The following DPP10 variants were observed in gnomAD, a reference collection of about 807,000 sequenced individuals.
DPP10 encodes the protein dipeptidyl peptidase like 10.
DPP10 carries 33 observed loss-of-function variants against 120.9 expected under a neutral mutation model. The ratio of observed to expected loss-of-function variants is 0.27; its 90% CI spans 0.21 to 0.37. The LOEUF (loss-of-function observed/expected upper bound fraction) is 0.37. Among genes scored for constraint, DPP10 ranks in the 10% least tolerant of loss-of-function variants. The pLI is 1.00. For missense variants in DPP10, 816 were observed against 942.8 expected, an observed-to-expected ratio of 0.87 and a Z score of 1.76; for synonymous variants, 337 against 326.1, an observed-to-expected ratio of 1.03 and a Z score of -0.36.
chr2:115,452,785 A>G (rs868683568), intron 3 of DPP10, among the ~76,000 whole-genome samples: 21 of 151,856 alleles, frequency 1.4e-4, no homozygotes, highest in African/African-American at 5.1e-4. Flanking sequence ...AATTCAGGCA[A>G]TGTTCTTTAA....
chr2:114,937,002 C>T (rs1324668892), intron 1 of DPP10, among the ~76,000 whole-genome samples: 2 of 152,086 alleles, frequency 1.3e-5, no homozygotes, highest in South Asian at 2.1e-4. Flanking sequence ...AGTCCTTTGT[C>T]GGATGTATAG....
intron 1 of DPP10, among the ~76,000 whole-genome samples, chr2:115,008,653 G>A (rs1702035963): frequency 8.7e-6 from 1 of 114,624 alleles, no homozygotes. Flanking sequence ...CCTACAGAAT[G>A]GGAGAAAATT....
intron 3 of DPP10, among the ~76,000 whole-genome samples, chr2:115,418,184 A>T (rs1003995176): frequency 2.6e-5 from 4 of 152,180 alleles, no homozygotes; most frequent in African/African-American, 9.6e-5. Flanking sequence ...GGATTCAAGG[A>T]TGACTCATTT....
intron 3 of DPP10, among the ~76,000 whole-genome samples, chr2:115,471,944 T>C (rs1174384767): frequency 6.6e-6 from 1 of 152,074 alleles, no homozygotes; most frequent in Non-Finnish European, 1.5e-5. Flanking sequence ...CAAGTTTTGG[T>C]GACATTACTT....
At chr2:115,026,279 A>G (rs1703453478) in intron 1 of DPP10, among the ~76,000 whole-genome samples, 1 of 151,968 alleles carries the variant, frequency 6.6e-6, no homozygotes, top group African/African-American at 2.4e-5. Context: ...TTTTTTGAAG[A>G]GACTGTCTTT....
At chr2:115,512,868 T>C (rs1334056062) in intron 4 of DPP10, among the ~76,000 whole-genome samples, 1 of 152,110 alleles carries the variant, frequency 6.6e-6, no homozygotes. Context: ...GTGTATTTTC[T>C]GCTAGCATTT....
At chr2:114,849,959 T>A in intron 1 of DPP10, among the ~76,000 whole-genome samples, 1 of 151,976 alleles carries the variant, frequency 6.6e-6, no homozygotes. Flanking sequence ...TTTCCTTTCC[T>A]TTGTTTCTTC....
Position 115,383,278 on chromosome 2 carries a change from A to G in DPP10, c.271+39366A>G, listed in dbSNP as rs140628005. Among the ~76,000 whole-genome samples the G allele has an allele frequency of 6.3e-4, 96 of 152,288 alleles. 2 individuals carry two copies. The highest frequency in any genetic ancestry group is 2.1e-3 in the African/African-American group (89 of 41,554). On this transcript the variant is annotated intron_variant, in intron 3 of 25. Coordinates refer to ENST00000410059, the MANE Select transcript of DPP10 (RefSeq NM_020868.6). ...TCCGATGCTGTTCTCATGATAGTGA[A>G]TAAGTCTCACAAGATATGATGGTTT...
At chr2:115,493,844 A>G (rs1299645490) in intron 3 of DPP10, among the ~76,000 whole-genome samples, 2 of 152,192 alleles carry the variant, frequency 1.3e-5, no homozygotes, top group African/African-American at 4.8e-5. Context: ...TATGGCTGTT[A>G]TGGAGAACAA....
chr2:114,580,805 C>T (rs934207774), intron 1 of DPP10, among the ~76,000 whole-genome samples: 1 of 151,842 alleles, frequency 6.6e-6, no homozygotes, highest in African/African-American at 2.4e-5. Flanking sequence ...CCCTCAAGAC[C>T]CTTTGATAAA....
intron 13 of DPP10, 127 bp from the exon 14 acceptor site, chr2:115,777,081 A>G: frequency 1.3e-6 from 1 of 759,586 alleles, no homozygotes; most frequent in Non-Finnish European, 2.2e-6. Flanking sequence ...TGAGCTGTGG[A>G]ACAGAAAACT....
chr2:115,686,691 G>C (rs964540187), intron 5 of DPP10, among the ~76,000 whole-genome samples: 1 of 151,900 alleles, frequency 6.6e-6, no homozygotes, highest in Non-Finnish European at 1.5e-5. Flanking sequence ...TTTCTTGATG[G>C]GATTGAATGA....
chr2:114,883,572 C>A (rs886827343), intron 1 of DPP10, among the ~76,000 whole-genome samples: 1 of 152,124 alleles, frequency 6.6e-6, no homozygotes, highest in Admixed American at 6.6e-5. Flanking sequence ...TGGCCTCTTT[C>A]AATGTATTAG....
chr2:115,423,063 A>C (rs2070126605), intron 3 of DPP10, among the ~76,000 whole-genome samples: 1 of 152,134 alleles, frequency 6.6e-6, no homozygotes, highest in Admixed American at 6.5e-5. Context: ...GAAAAAATAA[A>C]ACAGGAAAAT....
chr2:115,007,189 A>G (rs986489647), intron 1 of DPP10, among the ~76,000 whole-genome samples: 40 of 152,280 alleles, frequency 2.6e-4, no homozygotes, highest in South Asian at 1.0e-3. Context: ...AATACTGGCA[A>G]ACCGAATCCA....
chr2:114,547,640 T>A (rs1389818214), intron 1 of DPP10, among the ~76,000 whole-genome samples: 1 of 152,184 alleles, frequency 6.6e-6, no homozygotes, highest in African/African-American at 2.4e-5. Context: ...TGTATGTGTT[T>A]ATAAATATAT....
intron 3 of DPP10, among the ~76,000 whole-genome samples, chr2:115,358,690 C>G (rs2064568505): frequency 6.6e-6 from 1 of 152,166 alleles, no homozygotes; most frequent in Non-Finnish European, 1.5e-5. Flanking sequence ...TCTCACGCTG[C>G]TATGAAGAGA....
At position 115,358,767 on chromosome 2, in the gene DPP10, G is replaced by T. The variant is rs545600142; in HGVS notation, c.271+14855G>T. Among the ~76,000 whole-genome samples the T allele has an allele frequency of 2.6e-5, 4 of 152,232 alleles. No homozygotes were observed. The South Asian group carries it at 6.2e-4, about 24-fold the overall frequency. On this transcript the variant is annotated intron_variant, in intron 3 of 25. Transcript: ENST00000410059. Reference sequence around the variant, plus strand: ...GCCTCCTCACAGTTCAGCATGCCTGGGAAGGCCTCAGGCAACTTACAATTA... The same window carrying T: ...GCCTCCTCACAGTTCAGCATGCCTGTGAAGGCCTCAGGCAACTTACAATTA...
At chr2:115,181,002 C>CTTTAGGGATTTTACTTA (rs138511032) in intron 1 of DPP10, among the ~76,000 whole-genome samples, 1 of 151,608 alleles carries the variant, frequency 6.6e-6, no homozygotes. Context: ...TAAAAATATA[C>CTTTAGGGATTTTACTTA]GTCACTTAGT....
Sources: allele counts gnomAD v4.1 joint callset (sites outside exome capture counted in the v4.1 genomes callset), GRCh38; gene constraint gnomAD v4.1.1; transcripts MANE v1.5; gene names NCBI Gene and HGNC (gene_info 2026-07-23, HGNC 2026-07-21).